Variants in PHACTR1 observed in about 807,000 individuals in gnomAD.
PHACTR1 encodes RPEL repeat containing 1.
PHACTR1 carries 16 observed loss-of-function variants against 69.2 expected under a neutral mutation model. The ratio of observed to expected loss-of-function variants is 0.23; its 90% CI spans 0.16 to 0.35. The LOEUF (loss-of-function observed/expected upper bound fraction) is 0.35, where lower values mean the gene tolerates loss of function less well. Ranked by LOEUF, PHACTR1 falls within the 10% of genes least tolerant of loss-of-function variation. The pLI is 1.00. For missense variants in PHACTR1, 510 were observed against 734.7 expected, an observed-to-expected ratio of 0.69 and a Z score of 3.54; for synonymous variants, 312 against 284.5, an observed-to-expected ratio of 1.10 and a Z score of -0.97.
chr6:13,258,567 T>C (rs993233617), intron 10 of PHACTR1, among the ~76,000 whole-genome samples: 2 of 152,188 alleles, frequency 1.3e-5, no homozygotes, highest in Non-Finnish European at 1.5e-5. Context: ...CTTGAAGTTA[T>C]AAGTTCAGTG....
chr6:12,756,090 CA>C (rs1020251613), intron 4 of PHACTR1, among the ~76,000 whole-genome samples: 1 of 151,276 alleles, frequency 6.6e-6, no homozygotes, highest in African/African-American at 2.4e-5. Context: ...AACACTAAAG[CA>C]AAAAAAATGT....
chr6:13,134,737 C>T (rs1296578683), intron 5 of PHACTR1, among the ~76,000 whole-genome samples: 1 of 149,122 alleles, frequency 6.7e-6, no homozygotes, highest in African/African-American at 2.5e-5. Context: ...CCACTATTGT[C>T]CTATGACCCT....
intron 4 of PHACTR1, among the ~76,000 whole-genome samples, chr6:12,792,638 G>A (rs1772471925): frequency 6.6e-6 from 1 of 151,984 alleles, no homozygotes; most frequent in African/African-American, 2.4e-5. Context: ...TGCTATTTGT[G>A]TCTTAGAAAC....
intron 4 of PHACTR1, among the ~76,000 whole-genome samples, chr6:12,811,148 C>T (rs1342601257): frequency 6.6e-6 from 1 of 152,100 alleles, no homozygotes; most frequent in Non-Finnish European, 1.5e-5. Context: ...GCTCCGTTGG[C>T]TTGTTTTATT....
At chr6:13,060,476 A>G (rs909688950) in intron 5 of PHACTR1, among the ~76,000 whole-genome samples, 9 of 152,188 alleles carry the variant, frequency 5.9e-5, no homozygotes, top group Non-Finnish European at 2.9e-5. Flanking sequence ...AGCAAATGTG[A>G]AAGAGGCAGT....
chr6:13,084,066 C>G (rs528587494), intron 5 of PHACTR1, among the ~76,000 whole-genome samples: 3 of 152,170 alleles, frequency 2.0e-5, no homozygotes, highest in South Asian at 4.1e-4. Context: ...TATAAAGACA[C>G]ATGCACGTGT....
At chr6:12,855,730 C>A (rs1289779009) in intron 4 of PHACTR1, among the ~76,000 whole-genome samples, 2 of 151,770 alleles carry the variant, frequency 1.3e-5, no homozygotes, top group Non-Finnish European at 2.9e-5. Context: ...TAATAGAAGC[C>A]CAAACCTCAG....
At chr6:13,158,183 C>T (rs1238417070) in intron 5 of PHACTR1, among the ~76,000 whole-genome samples, 1 of 151,700 alleles carries the variant, frequency 6.6e-6, no homozygotes, top group African/African-American at 2.4e-5. Flanking sequence ...CGCCCGGCTG[C>T]TTAGCAGATC....
intron 3 of PHACTR1, among the ~76,000 whole-genome samples, chr6:12,725,829 T>C (rs1037227001): frequency 6.6e-5 from 10 of 152,300 alleles, no homozygotes; most frequent in African/African-American, 2.4e-4. Context: ...AATGTCTCTA[T>C]TGAACTGATG....
chr6:12,768,809 T>TACACACACAC (rs4053038), intron 4 of PHACTR1, among the ~76,000 whole-genome samples: 34 of 123,364 alleles, frequency 2.8e-4, no homozygotes, highest in African/African-American at 9.4e-4. Context: ...ATGTGCTATC[T>TACACACACAC]ACACACACAC....
intron 4 of PHACTR1, among the ~76,000 whole-genome samples, chr6:12,909,104 A>G (rs982829324): frequency 1.3e-5 from 2 of 152,204 alleles, no homozygotes; most frequent in African/African-American, 4.8e-5. Flanking sequence ...AGGACTCCTC[A>G]GTACTTGAGT....
At chr6:12,970,914 T>C (rs1794124031) in intron 4 of PHACTR1, among the ~76,000 whole-genome samples, 1 of 152,232 alleles carries the variant, frequency 6.6e-6, no homozygotes, top group Non-Finnish European at 1.5e-5. Context: ...ATGCCGTGGG[T>C]AGCTCATGTG....
At position 13,062,908 on chromosome 6, in the gene PHACTR1, CA is replaced by C. The variant is rs1354333164; in HGVS notation, c.415+9382del. ...TAGCTCTTGAGCTGGAAGCTTAAAGCAAAGAGACAAAATTGATAGGTTGAAA... is the reference window on the plus strand; with the variant it reads ...TAGCTCTTGAGCTGGAAGCTTAAAGCAAGAGACAAAATTGATAGGTTGAAA... On this transcript the variant is annotated intron_variant, in intron 5 of 14. Transcript: ENST00000332995. 5.3e-5 allele frequency among the ~76,000 whole-genome samples: 8 copies of C among 152,212 alleles called. No individual in the cohort carries two copies. In the East Asian group the frequency reaches 1.5e-3, roughly 29 times the overall value.
intron 5 of PHACTR1, among the ~76,000 whole-genome samples, chr6:13,066,886 A>G (rs1808733176): frequency 1.3e-5 from 2 of 152,182 alleles, no homozygotes; most frequent in South Asian, 4.1e-4. Context: ...TAGGTACAAC[A>G]TTGGCTTAGT....
At chr6:12,765,460 T>C (rs1768492810) in intron 4 of PHACTR1, among the ~76,000 whole-genome samples, 1 of 152,226 alleles carries the variant, frequency 6.6e-6, no homozygotes, top group South Asian at 2.1e-4. Context: ...AATGAAGGAA[T>C]GCATGAGGGT....
intron 4 of PHACTR1, among the ~76,000 whole-genome samples, chr6:12,890,794 T>C (rs1784100243): frequency 6.6e-6 from 1 of 152,210 alleles, no homozygotes; most frequent in African/African-American, 2.4e-5. Flanking sequence ...CTTCCAACTC[T>C]GTTTTACTTG....
In PHACTR1 at chr6:13,053,416, G is replaced by A. The variant is rs1466718900; in HGVS notation, c.302G>A (p.Gly101Asp). 1 of 1,613,394 alleles carries A rather than the reference G, an allele frequency of 6.2e-7. No individual in the cohort carries two copies. The highest frequency in any genetic ancestry group is 8.5e-7 in the Non-Finnish European group (1 of 1,179,672). The part of the protein sequence containing the change: ...AAMRSDSLVP[G>D]THTPPIRRRS... ...ATGCGTTCTGACTCCCTCGTCCCAG[G>A]CACCCACACCCCACCCATCCGCAGG... The change falls in exon 5 of 15, where the codon GGC becomes GAC. Residue 101 changes from glycine (G) to aspartate (D), a missense_variant. Physicochemically the swap from Gly to Asp is moderately conservative, Grantham distance 94. Coordinates refer to ENST00000332995, the MANE Select transcript of PHACTR1 (RefSeq NM_030948.6).
At chr6:13,155,810 C>A (rs1323609961) in intron 5 of PHACTR1, among the ~76,000 whole-genome samples, 1 of 151,996 alleles carries the variant, frequency 6.6e-6, no homozygotes, top group Non-Finnish European at 1.5e-5. Context: ...ATCACTTGAA[C>A]CCAGGAGGCA....
chr6:12,917,319 G>A (rs1787126476), intron 4 of PHACTR1, among the ~76,000 whole-genome samples: 1 of 152,188 alleles, frequency 6.6e-6, no homozygotes. Flanking sequence ...TAACATCTCA[G>A]GATGGCCTTG....
Sources: allele counts gnomAD v4.1 joint callset (sites outside exome capture counted in the v4.1 genomes callset), GRCh38; gene constraint gnomAD v4.1.1; transcripts MANE v1.5; gene names NCBI Gene and HGNC (gene_info 2026-07-23, HGNC 2026-07-21).